SYT2: variants seen among roughly 807,000 people sequenced by gnomAD.
The protein encoded by SYT2 is synaptotagmin-2.
SYT2 carries 15 observed loss-of-function variants against 39.9 expected under a neutral mutation model. That is an observed-to-expected ratio of 0.38 (90% CI 0.25 to 0.58). The LOEUF is 0.58. SYT2 is among the 20% of genes least tolerant of loss of function. The pLI, the probability that SYT2 is intolerant of heterozygous loss-of-function variation, is 0.70. For missense variants in SYT2, 389 were observed against 530.3 expected, an observed-to-expected ratio of 0.73 and a Z score of 2.62; for synonymous variants, 181 against 204.5, an observed-to-expected ratio of 0.89 and a Z score of 0.98.
chr1:202,604,525 T>C lies in SYT2; in HGVS notation c.275A>G (p.Lys92Arg). ...TTTGCCCTTCTCCTTCTTGTTCTTC[T>C]TCTTCTTGCAGCAGCATTTCTTGCA... The part of the protein sequence containing the change: ...CICKKCCCKK[K>R]KNKKEKGKGM... The change falls in exon 3 of 9, where the codon AAG becomes AGG. Residue 92 changes from lysine (K) to arginine (R), a missense_variant. Coordinates refer to ENST00000367268, the MANE Select transcript of SYT2 (RefSeq NM_177402.5). 1 of 1,614,238 alleles carries C rather than the reference T, an allele frequency of 6.2e-7. No homozygotes were observed. Among genetic ancestry groups the C allele is most frequent in the East Asian group, 2.2e-5 (1 of 44,882 alleles).
chr1:202,621,238 A>G (rs1691195404), intron 1 of SYT2, among the ~76,000 whole-genome samples: 2 of 152,164 alleles, frequency 1.3e-5, no homozygotes. Flanking sequence ...AGAACCCTGG[A>G]GCTGGATCCT....
rs1050474329 is a variant in SYT2 at position 202,601,281 on chromosome 1, A to G, written c.801+609T>C. On this transcript the variant is annotated intron_variant, in intron 6 of 8. Transcript: ENST00000367268. This position sits in a 1 kb window ranked among gnomAD's most constrained non-coding sequence, Gnocchi z 4.0. The stretch of plus-strand genomic sequence containing the variant: ...GTGTGCTGGCCTTCCTCCCAGGCAC[A>G]GGGGACAAAAGGGAAAAAAGGATGT... 2.0e-5 allele frequency among the ~76,000 whole-genome samples: 3 copies of G among 152,232 alleles called. No individual in the cohort carries two copies. The highest frequency in any genetic ancestry group is 7.2e-5 in the African/African-American group (3 of 41,458).
intron 1 of SYT2, among the ~76,000 whole-genome samples, chr1:202,707,334 A>G (rs977849657): frequency 6.6e-6 from 1 of 152,104 alleles, no homozygotes. Context: ...TCTATCTCCT[A>G]GCCTCCATTC....
At position 202,648,040 on chromosome 1, in the gene SYT2, C is replaced by T. The variant is rs111742033; in HGVS notation, c.-17-42251G>A. Among the ~76,000 whole-genome samples, 1,142 of 152,326 alleles carry T rather than the reference C, an allele frequency of 7.5e-3. 13 individuals are homozygous for T. The highest frequency in any genetic ancestry group is 0.026 in the African/African-American group (1,090 of 41,578). On this transcript the variant is annotated intron_variant, in intron 1 of 8. Coordinates refer to ENST00000367268, the MANE Select transcript of SYT2 (RefSeq NM_177402.5). ...CTGTGTGACCTTGGTCAAGGCACTT[C>T]ACACCCTATGTCTCATCCATAAAAT...
At position 202,639,415 on chromosome 1, in the gene SYT2, C is replaced by T. The variant is rs1414553928; in HGVS notation, c.-17-33626G>A. The T allele has an allele frequency of 2.5e-5, 20 of 803,022 alleles. No homozygotes were observed. In the African/African-American group the frequency reaches 3.4e-4, roughly 13 times the overall value. 49.7% of individuals were successfully genotyped at this position (803,022 alleles called of 1,614,324 possible). On this transcript the variant is annotated intron_variant, in intron 1 of 8. Coordinates refer to ENST00000367268, the MANE Select transcript of SYT2 (RefSeq NM_177402.5). ...AGGGTCTACAAGGGCTGGCAAGCTCCGTCGCTGGGCTTGGAGCTCCCCCTA... is the reference window on the plus strand; with the variant it reads ...AGGGTCTACAAGGGCTGGCAAGCTCTGTCGCTGGGCTTGGAGCTCCCCCTA...
intron 1 of SYT2, among the ~76,000 whole-genome samples, chr1:202,673,419 CA>C (rs1438471001): frequency 5.3e-5 from 8 of 152,130 alleles, no homozygotes; most frequent in Admixed American, 4.6e-4. Context: ...AAATCAGGCC[CA>C]AACAAACCAA....
chr1:202,697,368 TC>T (rs1417077215), intron 1 of SYT2, among the ~76,000 whole-genome samples: 1 of 152,196 alleles, frequency 6.6e-6, no homozygotes, highest in Non-Finnish European at 1.5e-5. Flanking sequence ...ATCCCCACTT[TC>T]CAAGGAATGT....
At chr1:202,639,123 G>C (rs1408757796) in intron 1 of SYT2, among the ~76,000 whole-genome samples, 1 of 152,170 alleles carries the variant, frequency 6.6e-6, no homozygotes, top group Non-Finnish European at 1.5e-5. Flanking sequence ...TGGCATAACT[G>C]AGAGAGCTCA....
intron 1 of SYT2, among the ~76,000 whole-genome samples, chr1:202,694,559 T>TACACACACAC (rs10563246): frequency 6.7e-6 from 1 of 150,334 alleles, no homozygotes; most frequent in African/African-American, 2.4e-5. Flanking sequence ...AGGCTGAATT[T>TACACACACAC]ACACACACAC....
At chr1:202,647,497 AC>A (rs1321007101) in intron 1 of SYT2, among the ~76,000 whole-genome samples, 3 of 151,888 alleles carry the variant, frequency 2.0e-5, no homozygotes, top group Non-Finnish European at 4.4e-5. Flanking sequence ...CAACAGCTGA[AC>A]CCTGCAACAG....
chr1:202,601,004 T>C lies in SYT2; in HGVS notation c.802-530A>G, dbSNP rs1223002959. Among the ~76,000 whole-genome samples, 3 of 152,156 alleles carry C rather than the reference T, an allele frequency of 2.0e-5. No homozygotes were observed. Among genetic ancestry groups the C allele is most frequent in the Non-Finnish European group, 2.9e-5 (2 of 68,030 alleles). On this transcript the variant is annotated intron_variant, in intron 6 of 8. Transcript: ENST00000367268. This position sits in a 1 kb window ranked among gnomAD's most constrained non-coding sequence, Gnocchi z 4.0. ...TATGATTTGTGGTTTTCGGAGCAAT[T>C]TGCATCCCTTTTGTTACTATCACTG...
intron 8 of SYT2, among the ~76,000 whole-genome samples, chr1:202,597,574 A>G: frequency 6.6e-6 from 1 of 152,218 alleles, no homozygotes; most frequent in Non-Finnish European, 1.5e-5. Flanking sequence ...GAGGCAGGAA[A>G]TGAGGCTGGT....
At chr1:202,672,163 A>G (rs1692600470) in intron 1 of SYT2, among the ~76,000 whole-genome samples, 1 of 152,258 alleles carries the variant, frequency 6.6e-6, no homozygotes, top group South Asian at 2.1e-4. Context: ...AACGTGCCAC[A>G]TGATAGTTTG....
intron 1 of SYT2, among the ~76,000 whole-genome samples, chr1:202,609,381 A>G (rs1480416714): frequency 6.6e-6 from 1 of 152,154 alleles, no homozygotes; most frequent in Non-Finnish European, 1.5e-5. Context: ...ATAATCCATG[A>G]CTTATAATCC....
intron 1 of SYT2, among the ~76,000 whole-genome samples, chr1:202,706,045 G>A (rs1654242595): frequency 6.6e-6 from 1 of 151,948 alleles, no homozygotes; most frequent in African/African-American, 2.4e-5. Flanking sequence ...TAGGGGAGGG[G>A]GCTGGCAGCT....
intron 1 of SYT2, among the ~76,000 whole-genome samples, chr1:202,652,864 C>G (rs1466246971): frequency 6.6e-6 from 1 of 152,192 alleles, no homozygotes; most frequent in South Asian, 2.1e-4. Context: ...TCTCAAGGAA[C>G]ATTCATCACC....
intron 1 of SYT2, among the ~76,000 whole-genome samples, chr1:202,667,413 T>C (rs1245933644): frequency 3.3e-5 from 5 of 151,162 alleles, no homozygotes; most frequent in Non-Finnish European, 7.4e-5. Context: ...GCTTGGGAAA[T>C]GTAGTTTGCT....
At position 202,628,383 on chromosome 1, in the gene SYT2, T is replaced by C. The variant is rs1337904391; in HGVS notation, c.-17-22594A>G. On this transcript the variant is annotated intron_variant, in intron 1 of 8. Transcript: ENST00000367268. This position sits in a 1 kb window ranked among gnomAD's most constrained non-coding sequence, Gnocchi z 4.2. ...TCTCAGTGGGAGCTGGGAGCCAGCA[T>C]CCCAGGCAGGGAGCCAGCCAAAGAA... is the stretch of plus-strand genomic sequence containing the variant. 2.0e-5 allele frequency among the ~76,000 whole-genome samples: 3 copies of C among 151,980 alleles called. No homozygotes were observed. The highest frequency in any genetic ancestry group is 6.5e-5 in the Admixed American group (1 of 15,270).
At chr1:202,615,690 C>T (rs924293722) in intron 1 of SYT2, among the ~76,000 whole-genome samples, 7 of 152,206 alleles carry the variant, frequency 4.6e-5, no homozygotes, top group East Asian at 1.9e-4. Flanking sequence ...CTCTCAGTCA[C>T]GCAGTTCCTG....
Sources: gnomAD v4.1 joint callset for allele counts (sites outside exome capture counted in the v4.1 genomes callset) on GRCh38, gnomAD v4.1.1 for gene constraint, Gnocchi (gnomAD v3.1) non-coding constraint, MANE v1.5 for transcripts, NCBI Gene and HGNC (gene_info 2026-07-23, HGNC 2026-07-21) for gene names.